The following PARD3B variants were observed in gnomAD, a reference collection of about 807,000 sequenced individuals.
PARD3B encodes the protein par-3 family cell polarity regulator beta.
A neutral mutation model predicts 130.2 loss-of-function variants in PARD3B; 103 were observed. That is an observed-to-expected ratio of 0.79 (90% CI 0.67 to 0.93). The LOEUF is 0.93. Among genes scored for constraint, PARD3B ranks in the 40% least tolerant of loss-of-function variants. PARD3B has a pLI of 0.00. For missense variants in PARD3B, 1,609 were observed against 1,499.2 expected, an observed-to-expected ratio of 1.07 and a Z score of -1.21; for synonymous variants, 583 against 553.2, an observed-to-expected ratio of 1.05 and a Z score of -0.76.
chr2:205,065,855 C>G (rs1700339685), intron 4 of PARD3B, among the ~76,000 whole-genome samples: 1 of 152,152 alleles, frequency 6.6e-6, no homozygotes, highest in South Asian at 2.1e-4. Context: ...CCTGCAGAAC[C>G]ACATGCTAAA....
At chr2:204,757,427 T>C (rs2040724225) in intron 2 of PARD3B, among the ~76,000 whole-genome samples, 1 of 152,170 alleles carries the variant, frequency 6.6e-6, no homozygotes, top group Non-Finnish European at 1.5e-5. Flanking sequence ...AACATTCTTT[T>C]TGACCTTCTT....
At chr2:205,168,344 G>A (rs932901819) in intron 11 of PARD3B, among the ~76,000 whole-genome samples, 2 of 108,038 alleles carry the variant, frequency 1.9e-5, no homozygotes, top group Non-Finnish European at 4.0e-5. Flanking sequence ...AATATTGCAA[G>A]CATAACCCAG....
At chr2:205,304,726 A>T (rs1369820250) in intron 18 of PARD3B, among the ~76,000 whole-genome samples, 2 of 152,104 alleles carry the variant, frequency 1.3e-5, no homozygotes, top group Admixed American at 6.6e-5. Flanking sequence ...ACTTGAGCCC[A>T]GGAGTTATAA....
intron 1 of PARD3B, among the ~76,000 whole-genome samples, chr2:204,648,557 TATATAA>T (rs1322504204): frequency 1.9e-4 from 26 of 133,930 alleles, no homozygotes; most frequent in South Asian, 1.1e-3. Context: ...AGCTTTAAAA[TATATAA>T]ATATAAATAT....
rs143862012 is a variant in PARD3B at position 205,246,654 on chromosome 2, T to A, written c.2185+832T>A. Among the ~76,000 whole-genome samples, 24 of 152,322 alleles carry A rather than the reference T, an allele frequency of 1.6e-4. 1 individual carries two copies. The East Asian group carries it at 4.6e-3, about 29-fold the overall frequency. Reference sequence around the variant, plus strand: ...CTCCATTGGTGAAACAAAGAAGTCTTTCCCATCACCAAGTGTCTCCCGTGT... The same window carrying A: ...CTCCATTGGTGAAACAAAGAAGTCTATCCCATCACCAAGTGTCTCCCGTGT... On this transcript the variant is annotated intron_variant, in intron 16 of 22. Transcript: ENST00000406610.
Position 205,226,683 on chromosome 2 carries a change from C to G in PARD3B, c.2141-19095C>G, listed in dbSNP as rs556871918. ...AAGTTCATTGTGGATATATGGATTTCTTTCTAGTTTCTCTGTTCTGTCCCA... is the reference window on the plus strand; with the variant it reads ...AAGTTCATTGTGGATATATGGATTTGTTTCTAGTTTCTCTGTTCTGTCCCA... On this transcript the variant is annotated intron_variant, in intron 15 of 22. Transcript: ENST00000406610. Among the ~76,000 whole-genome samples, 5 of 152,198 alleles carry G rather than the reference C, an allele frequency of 3.3e-5. No homozygotes were observed. In the South Asian group the frequency reaches 1.0e-3, roughly 32 times the overall value.
intron 2 of PARD3B, among the ~76,000 whole-genome samples, chr2:204,754,886 G>A (rs724605): frequency 0.66 from 101,005 of 151,930 alleles, 35,815 homozygotes; most frequent in East Asian, 0.86. Context: ...TTATTATTGA[G>A]GATTAAAGAG....
At chr2:205,570,065 C>T (rs114610246) in intron 22 of PARD3B, among the ~76,000 whole-genome samples, 1,599 of 152,194 alleles carry the variant, frequency 0.011, 13 homozygotes, top group Non-Finnish European at 0.017. Context: ...TGCAGTTTTG[C>T]TGGAAGGAGA....
chr2:205,294,258 A>T (rs1432196837), intron 16 of PARD3B, among the ~76,000 whole-genome samples: 1 of 152,118 alleles, frequency 6.6e-6, no homozygotes, highest in Admixed American at 6.5e-5. Context: ...CTACCCACAG[A>T]TAAGGTTATA....
chr2:205,127,064 C>T (rs925558110), intron 10 of PARD3B, among the ~76,000 whole-genome samples: 1 of 151,676 alleles, frequency 6.6e-6, no homozygotes, highest in African/African-American at 2.4e-5. Context: ...CTTTGGGAGG[C>T]CGAGGCAGGT....
intron 4 of PARD3B, among the ~76,000 whole-genome samples, chr2:205,051,409 G>A (rs976120): frequency 0.99 from 150,775 of 152,336 alleles, 74,634 homozygotes; most frequent in Middle Eastern, 1. Context: ...GAGTGTTCAC[G>A]TATAAGTAAT....
intron 2 of PARD3B, among the ~76,000 whole-genome samples, chr2:204,959,296 A>G (rs554115309): frequency 1.1e-4 from 16 of 152,280 alleles, no homozygotes; most frequent in African/African-American, 3.9e-4. Context: ...CATCTCTGCA[A>G]AGGACATGAA....
chr2:205,046,412 G>A (rs1698783606), intron 3 of PARD3B, among the ~76,000 whole-genome samples: 1 of 151,572 alleles, frequency 6.6e-6, no homozygotes, highest in African/African-American at 2.4e-5. Flanking sequence ...TGTGAAGTTG[G>A]ACTTTATAAT....
chr2:205,178,030 G>A (rs1057414666), intron 13 of PARD3B, among the ~76,000 whole-genome samples: 4 of 151,338 alleles, frequency 2.6e-5, no homozygotes, highest in Non-Finnish European at 5.9e-5. Flanking sequence ...TTTAGACCGG[G>A]CACAGTGGCT....
At chr2:204,634,356 G>GTA (rs1200243332) in intron 1 of PARD3B, among the ~76,000 whole-genome samples, 2 of 152,144 alleles carry the variant, frequency 1.3e-5, no homozygotes, top group African/African-American at 4.8e-5. Context: ...ACCCCATTGT[G>GTA]TATATATACC....
chr2:204,732,698 C>G (rs1180106131), intron 2 of PARD3B, among the ~76,000 whole-genome samples: 1 of 152,016 alleles, frequency 6.6e-6, no homozygotes, highest in Non-Finnish European at 1.5e-5. Context: ...AGCCTGAGAA[C>G]TCATTGGTTC....
At chr2:205,028,546 ACAGATGGGAGTCTT>A (rs1697196303) in intron 3 of PARD3B, among the ~76,000 whole-genome samples, 1 of 152,136 alleles carries the variant, frequency 6.6e-6, no homozygotes. Context: ...CTCATAGTCG[ACAGATGGGAGTCTT>A]CAGCCTGAGT....
Position 205,366,069 on chromosome 2 carries a change from C to G in PARD3B, c.2631-34944C>G, listed in dbSNP as rs962130564. On this transcript the variant is annotated intron_variant, in intron 18 of 22. Transcript: ENST00000406610. This position sits in a 1 kb window ranked among gnomAD's most constrained non-coding sequence, Gnocchi z 5.0. ...CTACCCACCCACCCATCTATCCCCC[C>G]ACTCATCCATCCATCCGTTTATCCA... 2.0e-5 allele frequency among the ~76,000 whole-genome samples: 3 copies of G among 152,142 alleles called. No homozygotes were observed. The highest frequency in any genetic ancestry group is 7.2e-5 in the African/African-American group (3 of 41,426).
At chr2:205,393,953 G>A (rs1468351092) in intron 18 of PARD3B, among the ~76,000 whole-genome samples, 1 of 151,984 alleles carries the variant, frequency 6.6e-6, no homozygotes, top group Non-Finnish European at 1.5e-5. Context: ...GAGAAACTAG[G>A]AGAAAACTAT....
Sources: gnomAD v4.1 joint callset for allele counts (sites outside exome capture counted in the v4.1 genomes callset) on GRCh38, gnomAD v4.1.1 for gene constraint, Gnocchi (gnomAD v3.1) non-coding constraint, MANE v1.5 for transcripts, NCBI Gene and HGNC (gene_info 2026-07-23, HGNC 2026-07-21) for gene names.